GUCD1: variants seen among roughly 807,000 people sequenced by gnomAD.
GUCD1 encodes guanylyl cyclase domain containing 1.
In GUCD1, 17 loss-of-function variants were observed where a neutral mutation model predicts 28.3. The observed-to-expected ratio is 0.60, with a 90% CI of 0.41 to 0.90. GUCD1 has a LOEUF of 0.90. Ranked by LOEUF, GUCD1 falls within the 40% of genes least tolerant of loss-of-function variation. The pLI is 0.00. For synonymous variants in GUCD1, 129 were observed against 123.3 expected (o/e 1.05, Z -0.30); for missense variants, 279 against 305.5 (o/e 0.91, Z 0.65).
chr22:24,555,494 C>T, upstream of GUCD1: 3 of 1,257,306 alleles, frequency 2.4e-6, no homozygotes, highest in African/African-American at 1.5e-5. Flanking sequence ...AGTGCATCCC[C>T]GAGGCCCCAA....
At position 24,543,960 on chromosome 22, in the gene GUCD1, G is replaced by T; in HGVS notation, c.510C>A (p.Thr170=). Residue 170 remains threonine, a synonymous_variant, in exon 5 of 6, where the codon ACC becomes ACA. Transcript: ENST00000435822. ...GGCAGAAGCAGTGGTGGCCACTGGG[G>T]GTGAAGCAGCAGTACTTGACAGGGC... ...CSSPVKYCCF[T]PSGHHCFCRT... The T allele has an allele frequency of 6.2e-7, 1 of 1,614,070 alleles. No individual in the cohort carries two copies. Among genetic ancestry groups the T allele is most frequent in the Non-Finnish European group, 8.5e-7 (1 of 1,179,980 alleles).
chr22:24,543,245 C>G (rs1441391620), intron 5 of GUCD1, 148 bp from the exon 6 acceptor site: 1 of 634,538 alleles, frequency 1.6e-6, no homozygotes, highest in Admixed American at 2.4e-5. Flanking sequence ...CCCCAGGAAG[C>G]CCTCCTTGCC....
intron 4 of GUCD1, 128 bp downstream of exon 4, chr22:24,546,786 G>A (rs1016517272): frequency 2.3e-5 from 18 of 791,098 alleles, no homozygotes; most frequent in South Asian, 2.2e-4. Context: ...ACAGCCACCC[G>A]GGTAGCCAGT....
At chr22:24,550,378 G>A (rs1345237244) in intron 1 of GUCD1, among the ~76,000 whole-genome samples, 1 of 152,222 alleles carries the variant, frequency 6.6e-6, no homozygotes, top group Non-Finnish European at 1.5e-5. Context: ...GTGCCTTAGA[G>A]GGGATGGGGG....
intron 1 of GUCD1, among the ~76,000 whole-genome samples, chr22:24,550,854 G>A (rs73152513): frequency 0.01 from 1,570 of 152,300 alleles, 14 homozygotes; most frequent in Non-Finnish European, 0.016. Flanking sequence ...TCACTCATCT[G>A]TACTTCTCTG....
chr22:24,553,870 G>C (rs892232611), intron 1 of GUCD1, among the ~76,000 whole-genome samples: 1 of 152,254 alleles, frequency 6.6e-6, no homozygotes, highest in African/African-American at 2.4e-5. Context: ...GGGGTGATAA[G>C]GTTAGGCGAG....
chr22:24,548,104 T>G, intron 2 of GUCD1, 31 bp from the exon 3 acceptor site: 1 of 1,602,292 alleles, frequency 6.2e-7, no homozygotes, highest in Non-Finnish European at 8.5e-7. Flanking sequence ...GAGCTCAGCT[T>G]GGTCTTGAGG....
chr22:24,554,268 G>A (rs899542095), intron 1 of GUCD1, among the ~76,000 whole-genome samples: 5 of 152,198 alleles, frequency 3.3e-5, no homozygotes, highest in Admixed American at 1.3e-4. Flanking sequence ...TGGAGGAGGA[G>A]GGTTGTAAAT....
At chr22:24,554,076 G>A (rs2147103784) in intron 1 of GUCD1, among the ~76,000 whole-genome samples, 1 of 152,358 alleles carries the variant, frequency 6.6e-6, no homozygotes. Flanking sequence ...AGCTGCAAAA[G>A]TGCAAATCAC....
At position 24,541,676 on chromosome 22, in the gene GUCD1, T is replaced by G. The variant is rs2044596828; in HGVS notation, c.*1330A>C. The G allele has an allele frequency of 6.6e-6, 1 of 151,328 alleles. No homozygotes were observed. The highest frequency in any genetic ancestry group is 6.6e-5 in the Admixed American group (1 of 15,164). 9.4% of individuals were successfully genotyped at this position (151,328 alleles called of 1,614,324 possible). On this transcript the variant is annotated 3_prime_UTR_variant, in exon 6 of 6. Transcript: ENST00000435822. The stretch of plus-strand genomic sequence containing the variant: ...TTCCTTTAGTTTTTTAGGTGCAGAC[T>G]GGGGTTCAAGACCCAGCTCCACCAC...
chr22:24,542,699 C>G lies in GUCD1; in HGVS notation c.*307G>C. On this transcript the variant is annotated 3_prime_UTR_variant, in exon 6 of 6. Coordinates refer to ENST00000435822, the MANE Select transcript of GUCD1 (RefSeq NM_001284254.2). ...GGGGAGACCATTGCCATGGATCTGGCTCAAAGGCAACAAGGGCACTGTCGG... is the reference window on the plus strand; with the variant it reads ...GGGGAGACCATTGCCATGGATCTGGGTCAAAGGCAACAAGGGCACTGTCGG... 2.7e-6 allele frequency: 1 copy of G among 368,468 alleles called. No individual in the cohort carries two copies. Among genetic ancestry groups the G allele is most frequent in the South Asian group, 2.5e-5 (1 of 39,956 alleles). 22.8% of individuals were successfully genotyped at this position (368,468 alleles called of 1,614,324 possible). A position where few individuals can be genotyped will look rare whatever the true frequency, so the allele number is the denominator to read the frequency against.
Position 24,542,163 on chromosome 22 carries a change from TC to T in GUCD1, c.*842del, listed in dbSNP as rs1227453501. 6.6e-6 allele frequency: 1 copy of T among 152,208 alleles called. No homozygotes were observed. Among genetic ancestry groups the T allele is most frequent in the African/African-American group, 2.4e-5 (1 of 41,448 alleles). The allele number at this position is 152,208 out of a possible 1,614,324, so 9.4% of individuals were successfully genotyped here. On this transcript the variant is annotated 3_prime_UTR_variant, in exon 6 of 6. Coordinates refer to ENST00000435822, the MANE Select transcript of GUCD1 (RefSeq NM_001284254.2). ...CAGCCAACCTTAAAGGACTAGGGGC[TC>T]CCCACACTCAAGAGGGCAGACCCTG...
chr22:24,555,262 G>A (rs2045022242), upstream of GUCD1: 7 of 1,320,008 alleles, frequency 5.3e-6, no homozygotes, highest in Non-Finnish European at 3.8e-6. Flanking sequence ...AGTCTGCTCC[G>A]GCCATTCGCC....
At chr22:24,550,452 G>A (rs926824581) in intron 1 of GUCD1, among the ~76,000 whole-genome samples, 5 of 152,220 alleles carry the variant, frequency 3.3e-5, no homozygotes, top group Non-Finnish European at 7.3e-5. Context: ...ACCCTCCTCC[G>A]TAGCCACCTC....
chr22:24,540,819 TC>T lies in GUCD1; in HGVS notation c.*2186del, dbSNP rs1426012950. 6.4e-6 allele frequency: 1 copy of T among 156,036 alleles called. No homozygotes were observed. The highest frequency in any genetic ancestry group is 1.5e-5 in the Non-Finnish European group (1 of 68,228). 9.7% of individuals were successfully genotyped at this position (156,036 alleles called of 1,614,324 possible). A position where few individuals can be genotyped will look rare whatever the true frequency, so the allele number is the denominator to read the frequency against. ...ACTTGTGGCATGCCCTGAGAAGCCATCCTCTGGGACCAGAGACTGAGTGTTT... is the reference window on the plus strand; with the variant it reads ...ACTTGTGGCATGCCCTGAGAAGCCATCTCTGGGACCAGAGACTGAGTGTTT... On this transcript the variant is annotated 3_prime_UTR_variant, in exon 6 of 6. Coordinates refer to ENST00000435822, the MANE Select transcript of GUCD1 (RefSeq NM_001284254.2).
chr22:24,552,749 G>A (rs1342287622), intron 1 of GUCD1, among the ~76,000 whole-genome samples: 1 of 149,076 alleles, frequency 6.7e-6, no homozygotes, highest in African/African-American at 2.5e-5. Flanking sequence ...CAGCCTGGGC[G>A]ACAGAGTGAG....
At chr22:24,544,895 T>C (rs1229074995) in intron 4 of GUCD1, among the ~76,000 whole-genome samples, 2 of 151,830 alleles carry the variant, frequency 1.3e-5, no homozygotes, top group Non-Finnish European at 2.9e-5. Flanking sequence ...TGGTATGAGA[T>C]TGTGGTTCCA....
chr22:24,551,406 G>A lies in GUCD1; in HGVS notation c.44-2405C>T, dbSNP rs141124903. On this transcript the variant is annotated intron_variant, in intron 1 of 5. Transcript: ENST00000435822. ...TCTCCCACCTCTACATACAGCAGCC[G>A]TAGGGATTCCCATTCAGTTTCCCAC... is the stretch of plus-strand genomic sequence containing the variant. Among the ~76,000 whole-genome samples, 43 of 152,280 alleles carry A rather than the reference G, an allele frequency of 2.8e-4. 1 individual carries two copies. The highest frequency in any genetic ancestry group is 2.2e-3 in the Admixed American group (33 of 15,296).
chr22:24,555,021 C>T lies in GUCD1; in HGVS notation c.-30G>A. On this transcript the variant is annotated 5_prime_UTR_variant, in exon 1 of 6. Transcript: ENST00000435822. Reference sequence around the variant, plus strand: ...CGGGCGGCGCGGGGCGCCCATGGCCCCGGCCCAGAGCGGGCTACAGCTTCC... The same window carrying T: ...CGGGCGGCGCGGGGCGCCCATGGCCTCGGCCCAGAGCGGGCTACAGCTTCC... The T allele has an allele frequency of 1.2e-5, 17 of 1,473,136 alleles. No individual in the cohort carries two copies. The highest frequency in any genetic ancestry group is 1.4e-5 in the Non-Finnish European group (16 of 1,116,062). 91.3% of individuals were successfully genotyped at this position (1,473,136 alleles called of 1,614,324 possible).
Sources: allele counts gnomAD v4.1 joint callset (sites outside exome capture counted in the v4.1 genomes callset), GRCh38; gene constraint gnomAD v4.1.1; transcripts MANE v1.5; gene names NCBI Gene and HGNC (gene_info 2026-07-23, HGNC 2026-07-21).